The following IL1R2 variants were observed in gnomAD, a reference collection of about 807,000 sequenced individuals.
IL1R2 encodes the protein interleukin-1 receptor type 2.
A neutral mutation model predicts 39.5 loss-of-function variants in IL1R2; 46 were observed. That is an observed-to-expected ratio of 1.16 (90% CI 0.92 to 1.49). The LOEUF is 1.49. Among genes scored for constraint, IL1R2 ranks in the 40% most tolerant of loss-of-function variants. IL1R2 has a pLI of 0.00. For synonymous variants in IL1R2, 207 were observed against 189.6 expected (o/e 1.09, Z -0.75); for missense variants, 537 against 502.0 (o/e 1.07, Z -0.67).
intron 4 of IL1R2, among the ~76,000 whole-genome samples, chr2:102,017,526 A>T (rs1414260125): frequency 6.6e-6 from 1 of 152,176 alleles, no homozygotes; most frequent in Non-Finnish European, 1.5e-5. Flanking sequence ...TGAGAACATC[A>T]GATATTGTCA....
Position 102,019,750 on chromosome 2 carries a change from T to C in IL1R2, c.626T>C (p.Leu209Pro). 1 of 1,614,212 alleles carries C rather than the reference T, an allele frequency of 6.2e-7. No individual in the cohort carries two copies. Among genetic ancestry groups the C allele is most frequent in the Non-Finnish European group, 8.5e-7 (1 of 1,180,022 alleles). Residue 209 changes from leucine to proline, a missense_variant, in exon 5 of 9, where the codon CTG (leucine) becomes CCG (proline). Leu to Pro is a moderately conservative substitution (Grantham distance 98). Transcript: ENST00000332549. ...GATGCTGGCTATTACCGCTGTGTCC[T>C]GACATTTGCCCATGAAGGCCAGCAA... ...LEDAGYYRCV[L>P]TFAHEGQQYN...
intron 3 of IL1R2, 74 bp downstream of exon 3, chr2:102,009,900 C>T: frequency 6.6e-7 from 1 of 1,511,808 alleles, no homozygotes; most frequent in African/African-American, 1.4e-5. Flanking sequence ...CAGTCATGAT[C>T]CGGATCTCAG....
chr2:102,008,674 C>G, intron 2 of IL1R2, 32 bp downstream of exon 2: 1 of 1,574,746 alleles, frequency 6.4e-7, no homozygotes, highest in Non-Finnish European at 8.7e-7. Context: ...TGCAAAAAGG[C>G]TTGCCTGTAG....
At chr2:102,026,395 C>T (rs1479654705) in intron 8 of IL1R2, 142 bp downstream of exon 8, 2 of 680,742 alleles carry the variant, frequency 2.9e-6, no homozygotes, top group South Asian at 3.3e-5. Context: ...GAAAAGAAAC[C>T]TCCCATTTTT....
intron 5 of IL1R2, among the ~76,000 whole-genome samples, chr2:102,021,150 A>T (rs539163860): frequency 8.2e-4 from 125 of 152,250 alleles, no homozygotes; most frequent in Non-Finnish European, 1.4e-3. Context: ...CTGTCCTGCC[A>T]TGCTGTCTAA....
rs188927205 is a variant in IL1R2 at position 101,994,046 on chromosome 2, A to C, written c.-62+2035A>C. 3.0e-4 allele frequency among the ~76,000 whole-genome samples: 45 copies of C among 152,330 alleles called. No homozygotes were observed. In the East Asian group the frequency reaches 8.5e-3, roughly 29 times the overall value. On this transcript the variant is annotated intron_variant, in intron 1 of 8. Coordinates refer to ENST00000332549, the MANE Select transcript of IL1R2 (RefSeq NM_004633.4). ...CTGATCATTTGGTATTACCACATGC[A>C]CAGACACGGGAGAGTGCCTTTCTTC...
chr2:102,017,398 G>GAAAAAAAAAAAA (rs56358561), intron 4 of IL1R2, among the ~76,000 whole-genome samples: 2 of 113,358 alleles, frequency 1.8e-5, no homozygotes, highest in Non-Finnish European at 1.8e-5. Context: ...CTCCATCTCA[G>GAAAAAAAAAAAA]AAAAAAAAAA....
intron 5 of IL1R2, among the ~76,000 whole-genome samples, chr2:102,021,774 T>C (rs1677417431): frequency 6.6e-6 from 1 of 152,230 alleles, no homozygotes; most frequent in Non-Finnish European, 1.5e-5. Flanking sequence ...CTAGAAGAAC[T>C]GAGTCTTGAG....
At chr2:101,997,911 C>T (rs1675669034) in intron 1 of IL1R2, among the ~76,000 whole-genome samples, 1 of 152,186 alleles carries the variant, frequency 6.6e-6, no homozygotes, top group Non-Finnish European at 1.5e-5. Flanking sequence ...CTCCTTTAGC[C>T]CTGGAGCCCA....
chr2:102,019,548 T>C (rs1222577176), intron 4 of IL1R2, 90 bp from the exon 5 acceptor site: 4 of 940,266 alleles, frequency 4.3e-6, no homozygotes, highest in Non-Finnish European at 4.8e-6. Flanking sequence ...GGATTGCAAA[T>C]CCCACATTGG....
chr2:101,996,506 G>A (rs867833593), intron 1 of IL1R2, among the ~76,000 whole-genome samples: 9 of 5,356 alleles, frequency 1.7e-3, no homozygotes, highest in Non-Finnish European at 4.1e-3. Flanking sequence ...TTTTTTTTTT[G>A]GGGGGGAGAA....
chr2:102,024,800 T>G, intron 7 of IL1R2, 132 bp downstream of exon 7: 1 of 1,162,706 alleles, frequency 8.6e-7, no homozygotes, highest in South Asian at 2.1e-5. Context: ...ATGTTTAGAA[T>G]TTAAAAAATT....
intron 3 of IL1R2, among the ~76,000 whole-genome samples, chr2:102,015,606 G>T (rs544623555): frequency 6.6e-6 from 1 of 152,122 alleles, no homozygotes; most frequent in Admixed American, 6.6e-5. Flanking sequence ...AACACAAAAC[G>T]TATTTTGTAA....
intron 3 of IL1R2, among the ~76,000 whole-genome samples, chr2:102,012,537 CTGTGTG>C (rs140697767): frequency 6.7e-6 from 1 of 148,868 alleles, no homozygotes; most frequent in African/African-American, 2.5e-5. Flanking sequence ...AGGGTGCCCT[CTGTGTG>C]TGTGTGTGTG....
intron 3 of IL1R2, among the ~76,000 whole-genome samples, chr2:102,011,918 G>C (rs1676662178): frequency 6.6e-6 from 1 of 152,102 alleles, no homozygotes. Context: ...GTTAATTTTT[G>C]TATATGGTGT....
intron 1 of IL1R2, among the ~76,000 whole-genome samples, chr2:102,004,907 G>C (rs1014266740): frequency 7.9e-5 from 12 of 152,294 alleles, no homozygotes; most frequent in Admixed American, 6.5e-4. Context: ...AGATGGTGGT[G>C]GGGGTAGATG....
At chr2:102,010,073 C>T (rs1032187642) in intron 3 of IL1R2, 6 of 530,106 alleles carry the variant, frequency 1.1e-5, no homozygotes, top group Non-Finnish European at 2.0e-5. Flanking sequence ...CTGACACCGC[C>T]CTCTGTCACT....
chr2:102,000,246 T>C (rs958399120), intron 1 of IL1R2, among the ~76,000 whole-genome samples: 1 of 152,208 alleles, frequency 6.6e-6, no homozygotes, highest in Non-Finnish European at 1.5e-5. Flanking sequence ...TCATTACATA[T>C]GGTGTGACAT....
At chr2:101,995,131 T>A (rs1559408460) in intron 1 of IL1R2, among the ~76,000 whole-genome samples, 1 of 152,108 alleles carries the variant, frequency 6.6e-6, no homozygotes, top group Admixed American at 6.5e-5. Context: ...TCAGTTGACT[T>A]GAAGTTAATA....
Sources: gnomAD v4.1 joint callset for allele counts (sites outside exome capture counted in the v4.1 genomes callset) on GRCh38, gnomAD v4.1.1 for gene constraint, MANE v1.5 for transcripts, NCBI Gene and HGNC (gene_info 2026-07-23, HGNC 2026-07-21) for gene names.